Variants in EYS observed in about 807,000 individuals in gnomAD.
EYS encodes protein eyes shut homolog.
A neutral mutation model predicts 282.1 loss-of-function variants in EYS; 250 were observed. The observed-to-expected ratio is 0.89, with a 90% confidence interval of 0.80 to 0.98. The LOEUF (loss-of-function observed/expected upper bound fraction) is 0.98, where lower values mean the gene tolerates loss of function less well. Ranked by LOEUF, EYS falls within the 50% of genes least tolerant of loss-of-function variation. The pLI, the probability that EYS is intolerant of heterozygous loss-of-function variation, is 0.00. For synonymous variants in EYS, 1,355 were observed against 1,282.9 expected (o/e 1.06, Z -1.20); for missense variants, 4,016 against 3,709.0 (o/e 1.08, Z -2.15).
At chr6:65,570,773 T>C (rs1187997478) in intron 2 of EYS, among the ~76,000 whole-genome samples, 1 of 152,204 alleles carries the variant, frequency 6.6e-6, no homozygotes, top group African/African-American at 2.4e-5. Flanking sequence ...CCTTTCCTTT[T>C]GCATTATTGT....
intron 22 of EYS, among the ~76,000 whole-genome samples, chr6:64,643,803 G>A (rs1768256980): frequency 1.3e-5 from 2 of 152,240 alleles, no homozygotes; most frequent in Admixed American, 6.5e-5. Flanking sequence ...CACGTAAGAC[G>A]TGACTTGCTC....
At position 64,574,887 on chromosome 6, in the gene EYS, AAC is replaced by A. The variant is rs577258825; in HGVS notation, c.5644+15334_5644+15335del. On this transcript the variant is annotated intron_variant, in intron 26 of 42. Coordinates refer to ENST00000503581, the MANE Select transcript of EYS (RefSeq NM_001142800.2). ...GTATAAATATTAAATGATCTAAAAG[AAC>A]ACAATTTTGCTTTATTGATTTCAGC... Among the ~76,000 whole-genome samples the A allele has an allele frequency of 4.3e-3, 657 of 152,296 alleles. 10 individuals are homozygous for A. Among genetic ancestry groups the A allele is most frequent in the Middle Eastern group, 0.027 (8 of 294 alleles).
chr6:64,035,224 A>G (rs1403710977), intron 33 of EYS, among the ~76,000 whole-genome samples: 1 of 152,300 alleles, frequency 6.6e-6, no homozygotes, highest in East Asian at 1.9e-4. Context: ...AGTGAATTCA[A>G]TTTTTCTTCA....
intron 9 of EYS, among the ~76,000 whole-genome samples, chr6:65,347,702 C>A (rs1274370219): frequency 6.6e-6 from 1 of 151,504 alleles, no homozygotes; most frequent in East Asian, 1.9e-4. Flanking sequence ...TCACTTCGAG[C>A]ATTTATCCTT....
At chr6:64,282,123 A>G (rs1454991864) in intron 30 of EYS, among the ~76,000 whole-genome samples, 1 of 152,168 alleles carries the variant, frequency 6.6e-6, no homozygotes, top group Non-Finnish European at 1.5e-5. Flanking sequence ...ATATGAAATA[A>G]AAACATGGAA....
At chr6:64,665,673 C>T (rs1164045303) in intron 22 of EYS, among the ~76,000 whole-genome samples, 1 of 152,200 alleles carries the variant, frequency 6.6e-6, no homozygotes, top group Non-Finnish European at 1.5e-5. Flanking sequence ...TAATACTATG[C>T]TTCAATTGAA....
At chr6:64,570,594 C>A (rs192887420) in intron 26 of EYS, among the ~76,000 whole-genome samples, 1 of 151,746 alleles carries the variant, frequency 6.6e-6, no homozygotes, top group African/African-American at 2.4e-5. Context: ...AAATATTTAC[C>A]GAGCAAATTG....
intron 26 of EYS, among the ~76,000 whole-genome samples, chr6:64,442,616 C>T (rs950069991): frequency 9.2e-5 from 14 of 152,098 alleles, no homozygotes; most frequent in African/African-American, 2.7e-4. Flanking sequence ...AGGGTATTTC[C>T]GCTGTGTGCA....
chr6:65,109,837 G>C (rs1017921467), intron 12 of EYS, among the ~76,000 whole-genome samples: 2 of 151,840 alleles, frequency 1.3e-5, no homozygotes, highest in Admixed American at 6.6e-5. Context: ...TCACCCTCTC[G>C]TACCTTCAGA....
At chr6:65,151,647 A>G (rs1026216437) in intron 12 of EYS, among the ~76,000 whole-genome samples, 2 of 152,050 alleles carry the variant, frequency 1.3e-5, no homozygotes, top group African/African-American at 4.8e-5. Flanking sequence ...GTTCTATAGC[A>G]TGTTTCATTC....
In EYS at chr6:65,369,317, T is replaced by TATATATATATATTTTTATATATATATA. The variant is rs1562127757; in HGVS notation, c.1299+15068_1299+15069insTATATATATATAAAAATATATATATAT. On this transcript the variant is annotated intron_variant, in intron 8 of 42. Coordinates refer to ENST00000503581, the MANE Select transcript of EYS (RefSeq NM_001142800.2). ...ATATATTTATGTATAATATATATAT[T>TATATATATATATTTTTATATATATATA]ATATATATATATTTATATATATATA... Among the ~76,000 whole-genome samples, 27 of 33,322 alleles carry TATATATATATATTTTTATATATATATA rather than the reference T, an allele frequency of 8.1e-4. No homozygotes were observed. In the East Asian group the frequency reaches 0.011, roughly 14 times the overall value. 21.9% of individuals were successfully genotyped at this position (33,322 alleles called of 152,430 possible).
intron 22 of EYS, among the ~76,000 whole-genome samples, chr6:64,731,497 G>A (rs148906646): frequency 2.4e-4 from 37 of 152,210 alleles, no homozygotes; most frequent in Admixed American, 8.5e-4. Context: ...AAAAGTGGGC[G>A]AAGGACAGGA....
chr6:64,816,550 A>C (rs964506601), intron 21 of EYS, among the ~76,000 whole-genome samples: 4 of 152,124 alleles, frequency 2.6e-5, no homozygotes, highest in Non-Finnish European at 5.9e-5. Context: ...GCTTTCCCTA[A>C]CTTAGGGATT....
At position 65,495,314 on chromosome 6, in the gene EYS, G is replaced by T. The variant is rs1194618509; in HGVS notation, c.97C>A (p.His33Asn). 5 of 1,614,012 alleles carry T rather than the reference G, an allele frequency of 3.1e-6. No homozygotes were observed. Among genetic ancestry groups the T allele is most frequent in the Non-Finnish European group, 3.4e-6 (4 of 1,180,006 alleles). The part of the protein sequence containing the change: ...TCRRQLVEEW[H>N]PQPSSYVVNW... ...ACCACATATGATGAGGGTTGTGGAT[G>T]CCATTCTTCCACCAATTGCCGTCTA... Residue 33 changes from histidine (H) to asparagine (N), a missense_variant, in exon 4 of 43, where the codon CAT (histidine) becomes AAT (asparagine). By Grantham distance (68) the His-to-Asn change is moderately conservative (BLOSUM62 1). Transcript: ENST00000503581.
intron 33 of EYS, among the ~76,000 whole-genome samples, chr6:64,052,992 C>A (rs556423373): frequency 6.6e-6 from 1 of 152,066 alleles, no homozygotes; most frequent in East Asian, 1.9e-4. Context: ...TGGCTTTTTT[C>A]ATAATGGCAA....
intron 35 of EYS, among the ~76,000 whole-genome samples, chr6:63,983,651 A>G (rs1334554112): frequency 6.6e-6 from 1 of 151,646 alleles, no homozygotes; most frequent in African/African-American, 2.4e-5. Flanking sequence ...AATTTGGTCA[A>G]TTTTTCCTTG....
Position 65,185,639 on chromosome 6 carries a change from A to G in EYS, c.2023+110224T>C, listed in dbSNP as rs1765499674. ...TAATTTCAAAGAAGCCATGAAGACT[A>G]TGACATGAGTGCTAGGCTCTGTTAT... On this transcript the variant is annotated intron_variant, in intron 12 of 42. Coordinates refer to ENST00000503581, the MANE Select transcript of EYS (RefSeq NM_001142800.2). Among the ~76,000 whole-genome samples the G allele has an allele frequency of 3.3e-5, 5 of 151,782 alleles. 1 individual carries two copies. The South Asian group carries it at 1.0e-3, about 31-fold the overall frequency.
chr6:64,596,123 T>C (rs1319435116), intron 24 of EYS, among the ~76,000 whole-genome samples: 1 of 151,916 alleles, frequency 6.6e-6, no homozygotes, highest in African/African-American at 2.4e-5. Context: ...TAACCAGATC[T>C]CACAGGAACT....
intron 12 of EYS, among the ~76,000 whole-genome samples, chr6:65,233,669 G>C (rs1238206059): frequency 6.6e-6 from 1 of 152,070 alleles, no homozygotes; most frequent in Admixed American, 6.6e-5. Flanking sequence ...GTACTTTAAA[G>C]GGTGCAGCCT....
Sources: gnomAD v4.1 joint callset for allele counts (sites outside exome capture counted in the v4.1 genomes callset) on GRCh38, gnomAD v4.1.1 for gene constraint, MANE v1.5 for transcripts, NCBI Gene and HGNC (gene_info 2026-07-23, HGNC 2026-07-21) for gene names.